ZNF197: variants seen among roughly 807,000 people sequenced by gnomAD.
The protein encoded by ZNF197 is zinc finger protein 197.
Under a neutral mutation model 27.4 loss-of-function variants are expected in ZNF197, and 14 were observed. The observed-to-expected ratio is 0.51, with a 90% CI of 0.34 to 0.80. ZNF197 has a LOEUF of 0.80. Ranked by LOEUF, ZNF197 falls within the 30% of genes least tolerant of loss-of-function variation. The pLI is 0.02. For synonymous variants in ZNF197, 415 were observed against 420.0 expected (o/e 0.99, Z 0.15); for missense variants, 1,090 against 1,222.6 (o/e 0.89, Z 1.62).
rs554745637 is a variant in ZNF197, at chr3:44,644,381, G to A, written c.*161G>A. 1.4e-5 allele frequency: 19 copies of A among 1,386,202 alleles called. No individual in the cohort carries two copies. The highest frequency in any genetic ancestry group is 1.8e-5 in the Non-Finnish European group (19 of 1,077,506). The allele number at this position is 1,386,202 out of a possible 1,614,324, so 85.9% of individuals were successfully genotyped here. A position where few individuals can be genotyped will look rare whatever the true frequency, so the allele number is the denominator to read the frequency against. On this transcript the variant is annotated 3_prime_UTR_variant, in exon 6 of 6. Transcript: ENST00000344387. ...AGGCCGGGCTTGGTGGCTCATGCCT[G>A]TAATCCCAGCACTTTGAGAGGCCGA...
chr3:44,632,094 TC>T lies in ZNF197; in HGVS notation c.551-8del. ...TGTAGGTCCCATATGCAGCTTTTTC[TC>T]CCTCCTCAGATTCTCCTGCCCCTGA... On this transcript the variant is annotated splice_polypyrimidine_tract_variant and intron_variant, in intron 3 of 5. Coordinates refer to ENST00000344387, the MANE Select transcript of ZNF197 (RefSeq NM_006991.5). 1 of 1,613,840 alleles carries T rather than the reference TC, an allele frequency of 6.2e-7. No individual in the cohort carries two copies. Among genetic ancestry groups the T allele is most frequent in the Non-Finnish European group, 8.5e-7 (1 of 1,179,764 alleles).
At position 44,629,302 on chromosome 3, in the gene ZNF197, T is replaced by C. The variant is rs752041791; in HGVS notation, c.148T>C (p.Tyr50His). 1 of 1,614,090 alleles carries C rather than the reference T, an allele frequency of 6.2e-7. No individual in the cohort carries two copies. Among genetic ancestry groups the C allele is most frequent in the Non-Finnish European group, 8.5e-7 (1 of 1,180,010 alleles). ...CCACCTACACTTTAGACAATTACGT[T>C]ACCATGAGACATCTGGACCCCAGGA... The part of the protein sequence containing the change: ...TSHLHFRQLR[Y>H]HETSGPQEAL... Residue 50 changes from tyrosine (Y) to histidine (H), a missense_variant, in exon 2 of 6, where the codon TAC becomes CAC. Tyr to His is a moderately conservative substitution (Grantham distance 83, BLOSUM62 2). Transcript: ENST00000344387.
chr3:44,631,769 C>A (rs1277504555), intron 3 of ZNF197, among the ~76,000 whole-genome samples: 1 of 151,084 alleles, frequency 6.6e-6, no homozygotes, highest in South Asian at 2.1e-4. Flanking sequence ...GGCACAATCT[C>A]GGCTCACTGC....
chr3:44,629,297 T>TA lies in ZNF197; in HGVS notation c.144dup (p.Arg49ThrfsTer4). The TA allele has an allele frequency of 1.2e-6, 2 of 1,614,044 alleles. No individual in the cohort carries two copies. The highest frequency in any genetic ancestry group is 1.7e-6 in the Non-Finnish European group (2 of 1,180,008). ...ACCTCCCACCTACACTTTAGACAAT[T>TA]ACGTTACCATGAGACATCTGGACCC... On this transcript the variant is annotated frameshift_variant, in exon 2 of 6. Transcript: ENST00000344387. LOFTEE classifies it high-confidence loss of function.
intron 4 of ZNF197, 47 bp downstream of exon 4, chr3:44,632,243 G>A: frequency 6.3e-7 from 1 of 1,599,978 alleles, no homozygotes; most frequent in Non-Finnish European, 8.6e-7. Flanking sequence ...GCGTAACTGT[G>A]GCTGAAGTGC....
At position 44,646,671 on chromosome 3, in the gene ZNF197, A is replaced by G. The variant is rs1702976672; in HGVS notation, c.*2451A>G. 1.6e-6 allele frequency: 1 copy of G among 609,218 alleles called. No homozygotes were observed. Among genetic ancestry groups the G allele is most frequent in the African/African-American group, 1.9e-5 (1 of 53,572 alleles). 37.7% of individuals were successfully genotyped at this position (609,218 alleles called of 1,614,324 possible). A position where few individuals can be genotyped will look rare whatever the true frequency, so the allele number is the denominator to read the frequency against. On this transcript the variant is annotated 3_prime_UTR_variant, in exon 6 of 6. Coordinates refer to ENST00000344387, the MANE Select transcript of ZNF197 (RefSeq NM_006991.5). ...CTTGAGTCTGCTGTGAGTTTATTAT[A>G]CCATTCTCTGCTTTTGTGTATGTAT...
intron 5 of ZNF197, among the ~76,000 whole-genome samples, chr3:44,639,996 C>T (rs578236097): frequency 1.8e-4 from 28 of 152,174 alleles, no homozygotes; most frequent in Admixed American, 1.3e-3. Context: ...ATTTACCTAT[C>T]GGAAAGATCA....
chr3:44,630,896 C>T, intron 2 of ZNF197, 166 bp from the exon 3 acceptor site: 1 of 939,308 alleles, frequency 1.1e-6, no homozygotes, highest in Non-Finnish European at 1.7e-6. Flanking sequence ...AGGGCAGCTC[C>T]ATTGTTCTCA....
chr3:44,643,187 T>C lies in ZNF197; in HGVS notation c.2057T>C (p.Val686Ala). 1 of 1,613,036 alleles carries C rather than the reference T, an allele frequency of 6.2e-7. No individual in the cohort carries two copies. Among genetic ancestry groups the C allele is most frequent in the Non-Finnish European group, 8.5e-7 (1 of 1,179,810 alleles). ...TATGAATGTAAAGATTGTGGTAAGG[T>C]CTTCGGTTCAAACAGAAACCTCATT... Reference protein sequence around the residue: ...NLYECKDCGKVFGSNRNLIDH... With the variant: ...NLYECKDCGKAFGSNRNLIDH... The change falls in exon 6 of 6, where the codon GTC (valine) becomes GCC (alanine). Residue 686 changes from valine (V) to alanine (A), a missense_variant. By Grantham distance (64) the Val-to-Ala change is moderately conservative. Transcript: ENST00000344387.
chr3:44,629,299 C>T lies in ZNF197; in HGVS notation c.145C>T (p.Arg49Cys), dbSNP rs780334011. Residue 49 changes from arginine to cysteine, a missense_variant, in exon 2 of 6, where the codon CGT becomes TGT. Arg to Cys is a radical substitution (Grantham distance 180). Coordinates refer to ENST00000344387, the MANE Select transcript of ZNF197 (RefSeq NM_006991.5). ...ETSHLHFRQL[R>C]YHETSGPQEA... ...CTCCCACCTACACTTTAGACAATTA[C>T]GTTACCATGAGACATCTGGACCCCA... The T allele has an allele frequency of 8.7e-6, 14 of 1,614,004 alleles. No individual in the cohort carries two copies. The highest frequency in any genetic ancestry group is 1.1e-5 in the Non-Finnish European group (13 of 1,180,026).
Position 44,631,276 on chromosome 3 carries a change from A to G in ZNF197, c.550+55A>G. 1.9e-6 allele frequency: 3 copies of G among 1,602,682 alleles called. No individual in the cohort carries two copies. The South Asian group carries it at 3.3e-5, about 18-fold the overall frequency. On this transcript the variant is annotated intron_variant, in intron 3 of 5. Transcript: ENST00000344387. ...TGTTCAAGGACCCTTCCTGTGGCTC[A>G]TCCCCCTACTTCCAGGGAGTTGCTT...
In ZNF197 at chr3:44,646,279, C is replaced by G. The variant is rs1317607897; in HGVS notation, c.*2059C>G. ...ATAATGAATATAAAAATGTTTCATCCAGGTTGTTGAATCATCCCAGCTTAT... is the reference window on the plus strand; with the variant it reads ...ATAATGAATATAAAAATGTTTCATCGAGGTTGTTGAATCATCCCAGCTTAT... On this transcript the variant is annotated 3_prime_UTR_variant, in exon 6 of 6. Transcript: ENST00000344387. The G allele has an allele frequency of 1.0e-6, 1 of 985,284 alleles. No homozygotes were observed. Among genetic ancestry groups the G allele is most frequent in the East Asian group, 1.1e-4 (1 of 8,810 alleles). The allele number at this position is 985,284 out of a possible 1,614,324, so 61.0% of individuals were successfully genotyped here.
chr3:44,632,510 C>T lies in ZNF197; in HGVS notation c.680C>T (p.Thr227Ile), dbSNP rs1702070927. 2 of 1,608,996 alleles carry T rather than the reference C, an allele frequency of 1.2e-6. No homozygotes were observed. The highest frequency in any genetic ancestry group is 1.3e-5 in the African/African-American group (1 of 74,648). The part of the protein sequence containing the change: ...VMFEEVSVCF[T>I]SEEWACLGPI... ...TTCGAGGAGGTGTCAGTATGCTTCA[C>T]TTCAGAGGAATGGGCATGTCTGGGC... The change falls in exon 5 of 6, where the codon ACT (threonine) becomes ATT (isoleucine). Residue 227 changes from threonine (T) to isoleucine (I), a missense_variant. Thr to Ile is a moderately conservative substitution (Grantham distance 89). Coordinates refer to ENST00000344387, the MANE Select transcript of ZNF197 (RefSeq NM_006991.5).
At chr3:44,628,258 T>C (rs1429445867) in intron 1 of ZNF197, among the ~76,000 whole-genome samples, 1 of 152,214 alleles carries the variant, frequency 6.6e-6, no homozygotes, top group African/African-American at 2.4e-5. Flanking sequence ...GTTTTGTGTG[T>C]TTTCTGGTTT....
In ZNF197 at chr3:44,643,381, G is replaced by A; in HGVS notation, c.2251G>A (p.Val751Ile). ...TTTCAGTTACAATTCAAGCCTGCTT[G>A]TACATCGGAGAATCCACACCGGAGA... ...KAFSYNSSLLVHRRIHTGEKP... is the reference protein window; with the variant it reads ...KAFSYNSSLLIHRRIHTGEKP... Residue 751 changes from valine (V) to isoleucine (I), a missense_variant, in exon 6 of 6, where the codon GTA (valine) becomes ATA (isoleucine). Val to Ile is a conservative substitution (Grantham distance 29). Transcript: ENST00000344387. 6.2e-7 allele frequency: 1 copy of A among 1,614,190 alleles called. No individual in the cohort carries two copies. The highest frequency in any genetic ancestry group is 8.5e-7 in the Non-Finnish European group (1 of 1,180,030).
Position 44,646,536 on chromosome 3 carries a change from G to A in ZNF197, c.*2316G>A, listed in dbSNP as rs776892883. 40 of 1,354,690 alleles carry A rather than the reference G, an allele frequency of 3.0e-5. 1 individual carries two copies. The South Asian group carries it at 3.0e-4, about 10-fold the overall frequency. 83.9% of individuals were successfully genotyped at this position (1,354,690 alleles called of 1,614,324 possible). A position where few individuals can be genotyped will look rare whatever the true frequency, so the allele number is the denominator to read the frequency against. On this transcript the variant is annotated 3_prime_UTR_variant, in exon 6 of 6. Coordinates refer to ENST00000344387, the MANE Select transcript of ZNF197 (RefSeq NM_006991.5). ...CAGAGGAACAAATAAAAGACACCACGAGAAACAGACACATCCAGAACGTGG... is the reference window on the plus strand; with the variant it reads ...CAGAGGAACAAATAAAAGACACCACAAGAAACAGACACATCCAGAACGTGG...
In ZNF197 at chr3:44,643,530, T is replaced by C; in HGVS notation, c.2400T>C (p.Ile800=). 1 of 1,614,104 alleles carries C rather than the reference T, an allele frequency of 6.2e-7. No homozygotes were observed. The highest frequency in any genetic ancestry group is 1.1e-5 in the South Asian group (1 of 91,078). ...GTGATGAGTGTGGCAAATGCTTCAT[T>C]CTGAAGAAAAGCCTCATTGGACATC... The part of the protein sequence containing the change: ...YECDECGKCF[I]LKKSLIGHQR... The change falls in exon 6 of 6, where the codon ATT becomes ATC. Residue 800 remains isoleucine, a synonymous_variant. Coordinates refer to ENST00000344387, the MANE Select transcript of ZNF197 (RefSeq NM_006991.5).
At chr3:44,641,874 T>C (rs1385447808) in intron 5 of ZNF197, 26 bp from the exon 6 acceptor site, 12 of 1,545,158 alleles carry the variant, frequency 7.8e-6, no homozygotes, top group Non-Finnish European at 9.6e-6. Context: ...CGTGGTAACA[T>C]TTGCATTTTT....
At position 44,646,685 on chromosome 3, in the gene ZNF197, T is replaced by C; in HGVS notation, c.*2465T>C. ...GAGTTTATTATACCATTCTCTGCTT[T>C]TGTGTATGTATGAAAATTTCGATAT... On this transcript the variant is annotated 3_prime_UTR_variant, in exon 6 of 6. Coordinates refer to ENST00000344387, the MANE Select transcript of ZNF197 (RefSeq NM_006991.5). 3.5e-6 allele frequency: 2 copies of C among 574,218 alleles called. No homozygotes were observed. Among genetic ancestry groups the C allele is most frequent in the Non-Finnish European group, 6.2e-6 (2 of 320,110 alleles). 35.6% of individuals were successfully genotyped at this position (574,218 alleles called of 1,614,324 possible).
Sources: allele counts gnomAD v4.1 joint callset (sites outside exome capture counted in the v4.1 genomes callset), GRCh38; gene constraint gnomAD v4.1.1; transcripts MANE v1.5; gene names NCBI Gene and HGNC (gene_info 2026-07-23, HGNC 2026-07-21).